The following CAMKMT variants were observed in gnomAD, a reference collection of about 807,000 sequenced individuals.
CAMKMT encodes calmodulin-lysine N-methyltransferase.
A neutral mutation model predicts 48.0 loss-of-function variants in CAMKMT; 53 were observed. The observed-to-expected ratio is 1.10, with a 90% confidence interval of 0.89 to 1.39. The LOEUF is 1.39. CAMKMT is among the 40% of genes most tolerant of loss of function. CAMKMT has a pLI of 0.00. For synonymous variants in CAMKMT, 165 were observed against 152.3 expected, an observed-to-expected ratio of 1.08 and a Z score of -0.61; for missense variants, 428 against 402.7, an observed-to-expected ratio of 1.06 and a Z score of -0.54.
At chr2:44,768,506 C>T (rs1156868661) in intron 10 of CAMKMT, among the ~76,000 whole-genome samples, 1 of 151,952 alleles carries the variant, frequency 6.6e-6, no homozygotes, top group Non-Finnish European at 1.5e-5. Flanking sequence ...CAGTTGTGCT[C>T]CTTTGCAGGA....
intron 3 of CAMKMT, among the ~76,000 whole-genome samples, chr2:44,481,159 G>T (rs1668947076): frequency 6.6e-6 from 1 of 151,996 alleles, no homozygotes; most frequent in African/African-American, 2.4e-5. Context: ...AAGTTTGCTG[G>T]GAACCTCACA....
chr2:44,609,630 T>G (rs1030217886), intron 3 of CAMKMT, among the ~76,000 whole-genome samples: 1 of 152,242 alleles, frequency 6.6e-6, no homozygotes, highest in Non-Finnish European at 1.5e-5. Flanking sequence ...CATTACTAAG[T>G]GCTTCTTGAC....
At chr2:44,619,686 C>A (rs1006590568) in intron 3 of CAMKMT, among the ~76,000 whole-genome samples, 2 of 152,162 alleles carry the variant, frequency 1.3e-5, no homozygotes, top group Non-Finnish European at 2.9e-5. Context: ...AATTTTATAG[C>A]TAGCTCCTTG....
Position 44,415,731 on chromosome 2 carries a change from G to A in CAMKMT, c.376+25426G>A, listed in dbSNP as rs950545840. 2.0e-5 allele frequency among the ~76,000 whole-genome samples: 3 copies of A among 152,102 alleles called. No individual in the cohort carries two copies. In the East Asian group the frequency reaches 5.8e-4, roughly 29 times the overall value. ...ACAATGATTCCACATTTCTTCAAGT[G>A]GCTGCCATAGAATGGAAATTGAAAT... On this transcript the variant is annotated intron_variant, in intron 3 of 10. Transcript: ENST00000378494.
At chr2:44,575,871 A>G (rs764350992) in intron 3 of CAMKMT, among the ~76,000 whole-genome samples, 38 of 152,054 alleles carry the variant, frequency 2.5e-4, no homozygotes, top group African/African-American at 9.2e-4. Context: ...AAATTTAAAA[A>G]ATTGTTAAGT....
In CAMKMT at chr2:44,597,111, G is replaced by C. The variant is rs564559883; in HGVS notation, c.377-107172G>C. 7.9e-5 allele frequency among the ~76,000 whole-genome samples: 12 copies of C among 152,294 alleles called. No individual in the cohort carries two copies. The South Asian group carries it at 2.5e-3, about 32-fold the overall frequency. ...TCGTCATGTTGTCTTCTTGGGGACA[G>C]CTTTCTGTCTGGGGGTGTCAGTAGT... On this transcript the variant is annotated intron_variant, in intron 3 of 10. Transcript: ENST00000378494.
chr2:44,371,331 C>G (rs1679162558), intron 1 of CAMKMT, among the ~76,000 whole-genome samples: 1 of 152,010 alleles, frequency 6.6e-6, no homozygotes, highest in Admixed American at 6.6e-5. Context: ...GTTGCTCAGG[C>G]TGGTCTGGAA....
chr2:44,711,211 T>G (rs343962), intron 6 of CAMKMT, among the ~76,000 whole-genome samples: 28,541 of 152,162 alleles, frequency 0.19, 3,034 homozygotes, highest in African/African-American at 0.29. Flanking sequence ...GAGTCATAAG[T>G]AAACTATATG....
chr2:44,735,849 G>A (rs1679327738), intron 7 of CAMKMT, among the ~76,000 whole-genome samples: 1 of 152,108 alleles, frequency 6.6e-6, no homozygotes, highest in Non-Finnish European at 1.5e-5. Flanking sequence ...GGAGGCGGAG[G>A]CTGCAGTGAG....
chr2:44,736,375 A>T (rs899111088), intron 7 of CAMKMT, among the ~76,000 whole-genome samples: 13 of 152,196 alleles, frequency 8.5e-5, no homozygotes, highest in Non-Finnish European at 1.6e-4. Flanking sequence ...CCTCACAAAA[A>T]AAATATGCTG....
Position 44,752,326 on chromosome 2 carries a change from C to T in CAMKMT, c.699-1729C>T, listed in dbSNP as rs76599207. On this transcript the variant is annotated intron_variant, in intron 8 of 10. Coordinates refer to ENST00000378494, the MANE Select transcript of CAMKMT (RefSeq NM_024766.5). ...TTTGCACCAACATAATATCAGATCA[C>T]GTATCCCAATATGGGGTTCAGAAAA... is the stretch of plus-strand genomic sequence containing the variant. Among the ~76,000 whole-genome samples, 299 of 151,602 alleles carry T rather than the reference C, an allele frequency of 2.0e-3. 5 individuals are homozygous for T. Among genetic ancestry groups the T allele is most frequent in the East Asian group, 0.016 (79 of 5,016 alleles).
chr2:44,580,704 A>G (rs1166228633), intron 3 of CAMKMT, among the ~76,000 whole-genome samples: 7 of 152,190 alleles, frequency 4.6e-5, no homozygotes, highest in Admixed American at 4.6e-4. Flanking sequence ...CATTAAACCT[A>G]TAATAACAGT....
intron 3 of CAMKMT, among the ~76,000 whole-genome samples, chr2:44,433,780 A>T (rs1461488995): frequency 6.6e-6 from 1 of 152,180 alleles, no homozygotes; most frequent in African/African-American, 2.4e-5. Flanking sequence ...ATTTTTTAAA[A>T]ATTCAGTTAT....
chr2:44,557,771 C>G (rs998882634), intron 3 of CAMKMT, among the ~76,000 whole-genome samples: 15 of 152,130 alleles, frequency 9.9e-5, no homozygotes, highest in African/African-American at 3.6e-4. Context: ...ATTTTTAAGT[C>G]ACTTTTTTTT....
intron 3 of CAMKMT, among the ~76,000 whole-genome samples, chr2:44,634,894 A>G (rs1333118175): frequency 1.3e-5 from 2 of 152,018 alleles, no homozygotes; most frequent in Non-Finnish European, 2.9e-5. Flanking sequence ...TAGTTTCATT[A>G]ATTAATCATT....
At chr2:44,549,297 A>G (rs1216672577) in intron 3 of CAMKMT, among the ~76,000 whole-genome samples, 2 of 152,136 alleles carry the variant, frequency 1.3e-5, no homozygotes, top group African/African-American at 2.4e-5. Context: ...TCACTCAAGC[A>G]TCCTCCTTCC....
intron 3 of CAMKMT, among the ~76,000 whole-genome samples, chr2:44,507,888 C>G (rs963864022): frequency 3.3e-5 from 5 of 152,186 alleles, no homozygotes; most frequent in Non-Finnish European, 5.9e-5. Flanking sequence ...ATGCAAGAAA[C>G]TTACCTCGGC....
At chr2:44,685,670 G>C (rs1252693157) in intron 3 of CAMKMT, among the ~76,000 whole-genome samples, 2 of 152,144 alleles carry the variant, frequency 1.3e-5, no homozygotes, top group African/African-American at 4.8e-5. Context: ...TAAATGGGGG[G>C]AAATAATGAC....
At chr2:44,632,321 A>T (rs1299466722) in intron 3 of CAMKMT, among the ~76,000 whole-genome samples, 1 of 152,206 alleles carries the variant, frequency 6.6e-6, no homozygotes. Flanking sequence ...CTTTTCAATG[A>T]ACATAGAATA....
Sources: gnomAD v4.1 joint callset for allele counts (sites outside exome capture counted in the v4.1 genomes callset) on GRCh38, gnomAD v4.1.1 for gene constraint, MANE v1.5 for transcripts, NCBI Gene and HGNC (gene_info 2026-07-23, HGNC 2026-07-21) for gene names.